The following PCDH9 variants were observed in gnomAD, a reference collection of about 807,000 sequenced individuals.
PCDH9 encodes the protein protocadherin-9.
Under a neutral mutation model 70.6 loss-of-function variants are expected in PCDH9, and 24 were observed. The observed-to-expected ratio is 0.34, with a 90% CI of 0.25 to 0.48. PCDH9 has a LOEUF of 0.48. PCDH9 is among the 20% of genes least tolerant of loss of function. The pLI, the probability that PCDH9 is intolerant of heterozygous loss-of-function variation, is 0.99. For synonymous variants in PCDH9, 562 were observed against 558.5 expected (o/e 1.01, Z -0.09); for missense variants, 1,281 against 1,503.6 (o/e 0.85, Z 2.45).
At chr13:66,819,325 G>GA (rs34857677) in intron 3 of PCDH9, among the ~76,000 whole-genome samples, 77,632 of 147,760 alleles carry the variant, frequency 0.53, 21,180 homozygotes, top group East Asian at 0.65. Context: ...TTGATGAGGA[G>GA]AAAAAAAAAA....
At chr13:66,609,923 T>C (rs945775771) in intron 4 of PCDH9, among the ~76,000 whole-genome samples, 6 of 151,332 alleles carry the variant, frequency 4.0e-5, no homozygotes, top group Non-Finnish European at 7.4e-5. Context: ...CTGAGAACAC[T>C]GATACCAGTA....
intron 2 of PCDH9, among the ~76,000 whole-genome samples, chr13:66,912,514 G>GACAC (rs34088176): frequency 0.34 from 50,787 of 149,768 alleles, 8,689 homozygotes; most frequent in African/African-American, 0.38. Flanking sequence ...CATAAGTGTG[G>GACAC]ACACACACAC....
intron 4 of PCDH9, among the ~76,000 whole-genome samples, chr13:66,343,786 G>C (rs1956168164): frequency 6.6e-6 from 1 of 152,156 alleles, no homozygotes; most frequent in African/African-American, 2.4e-5. Context: ...CAGGAGTTAG[G>C]ACATGAACAT....
At chr13:66,637,490 T>G (rs2092059289) in intron 3 of PCDH9, among the ~76,000 whole-genome samples, 1 of 152,228 alleles carries the variant, frequency 6.6e-6, no homozygotes, top group African/African-American at 2.4e-5. Context: ...GAATTTTTTA[T>G]GAGTCATTTT....
chr13:66,770,050 T>G (rs1211762191), intron 3 of PCDH9, among the ~76,000 whole-genome samples: 1 of 152,158 alleles, frequency 6.6e-6, no homozygotes, highest in African/African-American at 2.4e-5. Flanking sequence ...AGTGGAAAAT[T>G]GAGAGTCACT....
intron 3 of PCDH9, among the ~76,000 whole-genome samples, chr13:66,879,128 C>A (rs1037458747): frequency 6.6e-6 from 1 of 152,032 alleles, no homozygotes; most frequent in African/African-American, 2.4e-5. Flanking sequence ...TTGCTGTCAG[C>A]TCATTTAAAA....
At chr13:66,640,506 T>A (rs532443997) in intron 3 of PCDH9, among the ~76,000 whole-genome samples, 1 of 148,504 alleles carries the variant, frequency 6.7e-6, no homozygotes, top group South Asian at 2.2e-4. Flanking sequence ...TAAAAAAGTT[T>A]AAACAGTCAC....
At chr13:66,612,249 C>A (rs2077302041) in intron 4 of PCDH9, among the ~76,000 whole-genome samples, 1 of 152,060 alleles carries the variant, frequency 6.6e-6, no homozygotes, top group Admixed American at 6.5e-5. Context: ...AAACAACAAA[C>A]CAAATAATGC....
chr13:66,800,466 T>C (rs2080309613), intron 3 of PCDH9, among the ~76,000 whole-genome samples: 1 of 152,126 alleles, frequency 6.6e-6, no homozygotes, highest in African/African-American at 2.4e-5. Context: ...TCTTTACTTG[T>C]TTATCATTTG....
intron 2 of PCDH9, among the ~76,000 whole-genome samples, chr13:67,119,113 A>T (rs1158604191): frequency 6.6e-6 from 1 of 152,170 alleles, no homozygotes; most frequent in African/African-American, 2.4e-5. Context: ...ATGGAAAAAT[A>T]AAAGATTTCC....
At chr13:66,815,902 C>T (rs1239354267) in intron 3 of PCDH9, among the ~76,000 whole-genome samples, 1 of 152,012 alleles carries the variant, frequency 6.6e-6, no homozygotes, top group Non-Finnish European at 1.5e-5. Context: ...TACATGCACC[C>T]CGAACCTAAC....
chr13:66,767,970 G>C (rs1251203982), intron 3 of PCDH9, among the ~76,000 whole-genome samples: 1 of 152,056 alleles, frequency 6.6e-6, no homozygotes, highest in Non-Finnish European at 1.5e-5. Context: ...GTAACACCTT[G>C]TGAAAATGTA....
chr13:66,886,605 G>T (rs1452207265), intron 3 of PCDH9, among the ~76,000 whole-genome samples: 1 of 152,134 alleles, frequency 6.6e-6, no homozygotes, highest in Non-Finnish European at 1.5e-5. Flanking sequence ...CAGCTCGAAA[G>T]GGTACATTTC....
At chr13:66,733,923 G>T (rs535021125) in intron 3 of PCDH9, among the ~76,000 whole-genome samples, 21 of 152,120 alleles carry the variant, frequency 1.4e-4, no homozygotes, top group Non-Finnish European at 1.9e-4. Context: ...CTGTGCAGTA[G>T]GTAATTTGGC....
intron 4 of PCDH9, among the ~76,000 whole-genome samples, chr13:66,441,691 A>T (rs2138402757): frequency 6.6e-6 from 1 of 152,136 alleles, no homozygotes; most frequent in East Asian, 1.9e-4. Context: ...TGGGATTTTT[A>T]TATTTATGTT....
chr13:66,828,567 T>G (rs1012264788), intron 3 of PCDH9, among the ~76,000 whole-genome samples: 1 of 152,144 alleles, frequency 6.6e-6, no homozygotes, highest in Non-Finnish European at 1.5e-5. Flanking sequence ...AAAAGCACTG[T>G]TTTTTAAAAG....
At chr13:66,894,667 T>C (rs1284105356) in intron 3 of PCDH9, among the ~76,000 whole-genome samples, 1 of 152,130 alleles carries the variant, frequency 6.6e-6, no homozygotes, top group African/African-American at 2.4e-5. Flanking sequence ...TAGAGCATGA[T>C]AATATTACTA....
intron 4 of PCDH9, among the ~76,000 whole-genome samples, chr13:66,425,155 C>A (rs926148711): frequency 3.3e-5 from 5 of 151,768 alleles, no homozygotes; most frequent in African/African-American, 1.2e-4. Context: ...GAGTATTGCA[C>A]TATATATATT....
At position 66,304,819 on chromosome 13, in the gene PCDH9, TC is replaced by T; in HGVS notation, c.3549del (p.Trp1183Ter). On this transcript the variant is annotated frameshift_variant, in exon 5 of 5. Coordinates refer to ENST00000377865, the MANE Select transcript of PCDH9 (RefSeq NM_203487.3). LOFTEE classifies it high-confidence loss of function. ...AACTGGTTCCTGTTGCTGTCTTCTT[TC>T]CAGGCTCTGGTCAGGGTGTGCCCAT... Reference protein sequence around the residue: ...LVNGHTLTRAWKEDSNRNQFN... With the variant: ...LVNGHTLTRAXKEDSNRNQFN... 3 of 1,613,578 alleles carry T rather than the reference TC, an allele frequency of 1.9e-6. No homozygotes were observed. The highest frequency in any genetic ancestry group is 2.5e-6 in the Non-Finnish European group (3 of 1,179,738).
Sources: gnomAD v4.1 joint callset for allele counts (sites outside exome capture counted in the v4.1 genomes callset) on GRCh38, gnomAD v4.1.1 for gene constraint, MANE v1.5 for transcripts, NCBI Gene and HGNC (gene_info 2026-07-23, HGNC 2026-07-21) for gene names.